DTNA: variants seen among roughly 807,000 people sequenced by gnomAD.
DTNA encodes dystrobrevin alpha, also known as dystrophin-related protein 3.
DTNA carries 43 observed loss-of-function variants against 100.7 expected under a neutral mutation model. That is an observed-to-expected ratio of 0.43 (90% CI 0.33 to 0.55). DTNA has a LOEUF of 0.55. Ranked by LOEUF, DTNA falls within the 20% of genes least tolerant of loss-of-function variation. The probability of loss-of-function intolerance (pLI) is 0.04; values close to 1 mark genes in which losing one functional copy is unlikely to be tolerated. For missense variants in DTNA, 798 were observed against 953.9 expected (o/e 0.84, Z 2.15); for synonymous variants, 349 against 347.9 (o/e 1.00, Z -0.04).
intron 3 of DTNA, among the ~76,000 whole-genome samples, chr18:34,788,423 C>G (rs886291720): frequency 6.6e-6 from 1 of 152,052 alleles, no homozygotes; most frequent in Non-Finnish European, 1.5e-5. Flanking sequence ...ATTTGACCCC[C>G]CCAAAACAAC....
At chr18:34,593,616 G>C (rs1201224961) in intron 1 of DTNA, 2 of 152,148 alleles carry the variant, frequency 1.3e-5, no homozygotes, top group Non-Finnish European at 2.9e-5. Context: ...TTATCTGTGT[G>C]AATGAAAAGG....
intron 1 of DTNA, among the ~76,000 whole-genome samples, chr18:34,668,429 G>T (rs2076256835): frequency 6.6e-6 from 1 of 152,114 alleles, no homozygotes; most frequent in African/African-American, 2.4e-5. Flanking sequence ...GTCTCCTTCA[G>T]TTCTGCTCTG....
intron 11 of DTNA, among the ~76,000 whole-genome samples, chr18:34,835,871 C>G (rs569399597): frequency 1.3e-5 from 2 of 152,180 alleles, no homozygotes; most frequent in Non-Finnish European, 2.9e-5. Context: ...TGCAATTATT[C>G]GGCTGTTTGC....
chr18:34,590,477 T>C (rs2049599467), intron 1 of DTNA, among the ~76,000 whole-genome samples: 1 of 152,104 alleles, frequency 6.6e-6, no homozygotes, highest in Non-Finnish European at 1.5e-5. Flanking sequence ...AGGAAAAAAA[T>C]AACAGAGGTC....
intron 19 of DTNA, among the ~76,000 whole-genome samples, 158 bp downstream of exon 19, chr18:34,877,966 T>TTTTG (rs1449125292): frequency 1.3e-5 from 2 of 152,230 alleles, no homozygotes; most frequent in South Asian, 2.1e-4. Context: ...GGGGTTTTTT[T>TTTTG]TTTGTTTGTT....
chr18:34,638,982 C>T (rs2058961406), intron 1 of DTNA, among the ~76,000 whole-genome samples: 2 of 152,174 alleles, frequency 1.3e-5, no homozygotes, highest in African/African-American at 4.8e-5. Context: ...GCTGGGATTA[C>T]AGCCATGTGC....
chr18:34,598,142 T>G (rs1304432393), intron 1 of DTNA, among the ~76,000 whole-genome samples: 1 of 152,140 alleles, frequency 6.6e-6, no homozygotes, highest in Non-Finnish European at 1.5e-5. Flanking sequence ...GTATGTCAAG[T>G]GGAGTCAGTA....
intron 1 of DTNA, among the ~76,000 whole-genome samples, chr18:34,542,425 C>T (rs2044335681): frequency 6.6e-6 from 1 of 151,966 alleles, no homozygotes; most frequent in African/African-American, 2.4e-5. Flanking sequence ...TGATCCATTC[C>T]CTCCTGTGGA....
At position 34,670,209 on chromosome 18, in the gene DTNA, C is replaced by T. The variant is rs576396431; in HGVS notation, c.-1-85767C>T. The stretch of plus-strand genomic sequence containing the variant: ...ACTGATACCCTTTCTTCCAGTTGAT[C>T]GAATTGGCTACTGAAGCTTGTGCAT... On this transcript the variant is annotated intron_variant, in intron 1 of 19. Coordinates refer to the DTNA transcript ENST00000283365. Among the ~76,000 whole-genome samples, 5 of 152,302 alleles carry T rather than the reference C, an allele frequency of 3.3e-5. No individual in the cohort carries two copies. The East Asian group carries it at 7.7e-4, about 24-fold the overall frequency.
intron 14 of DTNA, 142 bp from the exon 15 acceptor site, chr18:34,851,689 A>T (rs2096481382): frequency 2.1e-6 from 2 of 939,158 alleles, no homozygotes; most frequent in African/African-American, 3.3e-5. Context: ...GAAAAATGGC[A>T]ATTGAATTTT....
chr18:34,667,782 T>A (rs2076150322), intron 1 of DTNA, among the ~76,000 whole-genome samples: 1 of 152,230 alleles, frequency 6.6e-6, no homozygotes, highest in Non-Finnish European at 1.5e-5. Context: ...GCCAATTTGA[T>A]CATGGTGGAT....
intron 1 of DTNA, among the ~76,000 whole-genome samples, chr18:34,665,454 G>T (rs943371205): frequency 1.3e-5 from 2 of 152,008 alleles, no homozygotes; most frequent in Non-Finnish European, 2.9e-5. Context: ...TTAAGTTCTA[G>T]GGTACATGTG....
chr18:34,807,361 T>G (rs1473881901), intron 5 of DTNA, among the ~76,000 whole-genome samples: 4 of 152,152 alleles, frequency 2.6e-5, no homozygotes, highest in African/African-American at 9.7e-5. Context: ...ACTTCTTTAG[T>G]CCTCAGCCTC....
chr18:34,726,743 G>A (rs1187242443), intron 1 of DTNA, among the ~76,000 whole-genome samples: 1 of 152,242 alleles, frequency 6.6e-6, no homozygotes, highest in Non-Finnish European at 1.5e-5. Flanking sequence ...CTGGATTGGA[G>A]TTGAGTGCCT....
At chr18:34,728,013 G>A (rs1237177093) in intron 1 of DTNA, among the ~76,000 whole-genome samples, 1 of 152,126 alleles carries the variant, frequency 6.6e-6, no homozygotes, top group Non-Finnish European at 1.5e-5. Flanking sequence ...ACTGTCCATG[G>A]GTAATAGATT....
intron 3 of DTNA, among the ~76,000 whole-genome samples, chr18:34,776,361 T>C (rs1395270815): frequency 6.6e-6 from 1 of 151,720 alleles, no homozygotes; most frequent in East Asian, 1.9e-4. Flanking sequence ...TGAGACAGAG[T>C]CTTACTCTGT....
intron 11 of DTNA, 79 bp downstream of exon 11, chr18:34,829,568 A>C: frequency 7.4e-7 from 1 of 1,350,224 alleles, no homozygotes; most frequent in Non-Finnish European, 9.7e-7. Context: ...CTCTGGCACT[A>C]AAATCCTCTC....
chr18:34,664,222 G>T (rs1170226008), intron 1 of DTNA, among the ~76,000 whole-genome samples: 1 of 151,982 alleles, frequency 6.6e-6, no homozygotes, highest in Non-Finnish European at 1.5e-5. Context: ...GGTAAATCTG[G>T]CTATCTTCCA....
At chr18:34,703,783 T>C (rs986328263) in intron 1 of DTNA, among the ~76,000 whole-genome samples, 2 of 152,252 alleles carry the variant, frequency 1.3e-5, no homozygotes, top group African/African-American at 4.8e-5. Context: ...ATTCCAATAA[T>C]GGAATTCATT....
Sources: allele counts gnomAD v4.1 joint callset (sites outside exome capture counted in the v4.1 genomes callset), GRCh38; gene constraint gnomAD v4.1.1; transcripts MANE v1.5; gene names NCBI Gene and HGNC (gene_info 2026-07-23, HGNC 2026-07-21).